SKAP2: variants seen among roughly 807,000 people sequenced by gnomAD.
SKAP2 encodes src kinase associated phosphoprotein 2.
A neutral mutation model predicts 54.9 loss-of-function variants in SKAP2; 28 were observed. That is an observed-to-expected ratio of 0.51 (90% confidence interval 0.38 to 0.70). SKAP2 has a LOEUF of 0.70. Ranked by LOEUF, SKAP2 falls within the 30% of genes least tolerant of loss-of-function variation. The probability of loss-of-function intolerance (pLI) is 0.00; values close to 1 mark genes in which losing one functional copy is unlikely to be tolerated. For synonymous variants in SKAP2, 137 were observed against 134.3 expected (o/e 1.02, Z -0.14); for missense variants, 356 against 424.1 (o/e 0.84, Z 1.41).
At chr7:26,726,668 C>A in intron 7 of SKAP2, 1 of 384,754 alleles carries the variant, frequency 2.6e-6, no homozygotes, top group South Asian at 4.6e-5. Context: ...ATTATATATT[C>A]TCTTTATCTT....
chr7:26,841,136 A>T (rs773942974), intron 4 of SKAP2, among the ~76,000 whole-genome samples: 4 of 152,094 alleles, frequency 2.6e-5, no homozygotes, highest in Non-Finnish European at 5.9e-5. Flanking sequence ...TAATGAGTAG[A>T]CATGACTATA....
At chr7:26,833,022 A>C (rs1385535888) in intron 4 of SKAP2, among the ~76,000 whole-genome samples, 1 of 152,190 alleles carries the variant, frequency 6.6e-6, no homozygotes, top group Non-Finnish European at 1.5e-5. Flanking sequence ...CTCCCAAAGA[A>C]GCCTTCTCCA....
intron 9 of SKAP2, among the ~76,000 whole-genome samples, chr7:26,700,456 A>G (rs886100601): frequency 7.9e-5 from 12 of 152,218 alleles, no homozygotes; most frequent in African/African-American, 2.9e-4. Context: ...TTTCAGAACC[A>G]ACACAGCCAT....
chr7:26,783,238 AAGT>A (rs1219549613), intron 4 of SKAP2, among the ~76,000 whole-genome samples: 2 of 152,062 alleles, frequency 1.3e-5, no homozygotes, highest in African/African-American at 4.8e-5. Context: ...TCTCCTCTCC[AAGT>A]CAATCACCAA....
At chr7:26,752,424 T>C (rs1253075383) in intron 4 of SKAP2, among the ~76,000 whole-genome samples, 2 of 152,104 alleles carry the variant, frequency 1.3e-5, no homozygotes, top group African/African-American at 4.8e-5. Context: ...AAAGTGAAAT[T>C]CAGTAAAAGC....
chr7:26,740,442 C>G (rs1010902923), intron 4 of SKAP2, among the ~76,000 whole-genome samples: 1 of 152,130 alleles, frequency 6.6e-6, no homozygotes, highest in Admixed American at 6.5e-5. Context: ...CAAATATTCT[C>G]TGTGTTTGTA....
At position 26,717,509 on chromosome 7, in the gene SKAP2, C is replaced by CAAAAAAAAAAAAAAAAAAAA. The variant is rs58826714; in HGVS notation, c.796+7899_796+7918dup. Among the ~76,000 whole-genome samples, 19 of 23,134 alleles carry CAAAAAAAAAAAAAAAAAAAA rather than the reference C, an allele frequency of 8.2e-4. 3 individuals are homozygous for CAAAAAAAAAAAAAAAAAAAA. The highest frequency in any genetic ancestry group is 1.0e-3 in the Non-Finnish European group (10 of 9,594). The allele number at this position is 23,134 out of a possible 152,430, so 15.2% of individuals were successfully genotyped here. On this transcript the variant is annotated intron_variant, in intron 9 of 12. Coordinates refer to ENST00000345317, the MANE Select transcript of SKAP2 (RefSeq NM_003930.5). ...TGGGTGACAGAGCAAGACCCCATCT[C>CAAAAAAAAAAAAAAAAAAAA]AAAAAAAAAAAAAAAAAAAAAAAAA...
rs112207849 is a variant in SKAP2, at chr7:26,847,639, G to C, written c.200-3502C>G. 2.7e-3 allele frequency among the ~76,000 whole-genome samples: 414 copies of C among 152,138 alleles called. 4 individuals carry two copies. Among genetic ancestry groups the C allele is most frequent in the African/African-American group, 9.5e-3 (396 of 41,510 alleles). ...CAGCTAATCACACATCTAAAGAAAA[G>C]CACACTCAAATGAAATGTCTACAGA... On this transcript the variant is annotated intron_variant, in intron 3 of 12. Coordinates refer to ENST00000345317, the MANE Select transcript of SKAP2 (RefSeq NM_003930.5).
At chr7:26,758,520 C>T (rs1487669190) in intron 4 of SKAP2, among the ~76,000 whole-genome samples, 1 of 152,056 alleles carries the variant, frequency 6.6e-6, no homozygotes, top group Middle Eastern at 3.2e-3. Flanking sequence ...TCTCATGTAC[C>T]CACACAAGTT....
chr7:26,675,120 G>T (rs1786324151), intron 11 of SKAP2, among the ~76,000 whole-genome samples: 1 of 152,050 alleles, frequency 6.6e-6, no homozygotes, highest in South Asian at 2.1e-4. Flanking sequence ...ATTATCAATG[G>T]TGCCTCTCTG....
intron 5 of SKAP2, among the ~76,000 whole-genome samples, chr7:26,739,103 A>G (rs902819202): frequency 6.6e-6 from 1 of 152,212 alleles, no homozygotes; most frequent in Non-Finnish European, 1.5e-5. Flanking sequence ...CATGGCTAAC[A>G]AAGTTTTCTG....
At chr7:26,746,645 A>G (rs569234371) in intron 4 of SKAP2, 85 of 143,412 alleles carry the variant, frequency 5.9e-4, no homozygotes, top group African/African-American at 2.2e-3. Flanking sequence ...TACCTTAAAC[A>G]TGTCACTGAG....
chr7:26,738,954 T>C (rs1056571950), intron 5 of SKAP2, 76 bp from the exon 6 acceptor site: 2 of 874,566 alleles, frequency 2.3e-6, no homozygotes, highest in Non-Finnish European at 3.9e-6. Flanking sequence ...ATTTCTAAGA[T>C]TCCTCTGAGC....
At chr7:26,662,173 G>A (rs1786024106), downstream of SKAP2, among the ~76,000 whole-genome samples, 1 of 152,060 alleles carries the variant, frequency 6.6e-6, no homozygotes, top group Non-Finnish European at 1.5e-5. Context: ...TACCATAACT[G>A]GTAGCAACTC....
At chr7:26,664,251 T>C (rs934559333), downstream of SKAP2, among the ~76,000 whole-genome samples, 4 of 152,180 alleles carry the variant, frequency 2.6e-5, no homozygotes, top group African/African-American at 9.7e-5. Context: ...TGGTAATGAA[T>C]AACAGAACTT....
At chr7:26,863,645 T>C (rs1335912198) in intron 1 of SKAP2, among the ~76,000 whole-genome samples, 2 of 152,176 alleles carry the variant, frequency 1.3e-5, no homozygotes, top group African/African-American at 4.8e-5. Flanking sequence ...TTCCTATAAA[T>C]GGTAATGTAA....
intron 7 of SKAP2, 118 bp downstream of exon 7, chr7:26,726,762 CAT>C: frequency 1.2e-6 from 1 of 803,626 alleles, no homozygotes; most frequent in Non-Finnish European, 1.8e-6. Context: ...TATATTTAAA[CAT>C]CAGTATTTTT....
intron 4 of SKAP2, among the ~76,000 whole-genome samples, chr7:26,830,738 C>G (rs1360077781): frequency 6.6e-6 from 1 of 152,056 alleles, no homozygotes; most frequent in African/African-American, 2.4e-5. Context: ...AAGTGTGAAG[C>G]AAGGACCCTG....
intron 9 of SKAP2, among the ~76,000 whole-genome samples, chr7:26,704,374 TAGCCAGGAGCCTAAGAAG>T (rs1180885791): frequency 5.3e-5 from 8 of 152,198 alleles, no homozygotes; most frequent in East Asian, 1.9e-4. Flanking sequence ...GCTTCAATCC[TAGCCAGGAGCCTAAGAAG>T]ATTGATTAAT....
Sources: gnomAD v4.1 joint callset for allele counts (sites outside exome capture counted in the v4.1 genomes callset) on GRCh38, gnomAD v4.1.1 for gene constraint, MANE v1.5 for transcripts, NCBI Gene and HGNC (gene_info 2026-07-23, HGNC 2026-07-21) for gene names.